The following RNF166 variants were observed in gnomAD, a reference collection of about 807,000 sequenced individuals.
RNF166 encodes the protein E3 ubiquitin-protein ligase RNF166.
Under a neutral mutation model 29.4 loss-of-function variants are expected in RNF166, and 19 were observed. That is an observed-to-expected ratio of 0.65 (90% CI 0.45 to 0.95). RNF166 has a LOEUF of 0.95. Among genes scored for constraint, RNF166 ranks in the 40% least tolerant of loss-of-function variants. The pLI is 0.00. For synonymous variants in RNF166, 171 were observed against 134.5 expected, an observed-to-expected ratio of 1.27 and a Z score of -1.88; for missense variants, 347 against 322.1, an observed-to-expected ratio of 1.08 and a Z score of -0.59.
At position 88,697,494 on chromosome 16, in the gene RNF166, G is replaced by A. The variant is rs1597399982; in HGVS notation, c.*74C>T. 7.9e-6 allele frequency: 9 copies of A among 1,141,870 alleles called. No individual in the cohort carries two copies. The highest frequency in any genetic ancestry group is 5.2e-5 in the East Asian group (2 of 38,466). The allele number at this position is 1,141,870 out of a possible 1,614,324, so 70.7% of individuals were successfully genotyped here. ...GCTCAGTCCGGTGAGGTGCGCTCCC[G>A]AGCAGGTGCCAGGTGCGACACAGGA... On this transcript the variant is annotated 3_prime_UTR_variant, in exon 6 of 6. Transcript: ENST00000312838.
At position 88,697,214 on chromosome 16, in the gene RNF166, C is replaced by A. The variant is rs567595302; in HGVS notation, c.*354G>T. On this transcript the variant is annotated 3_prime_UTR_variant, in exon 6 of 6. Transcript: ENST00000312838. Reference sequence around the variant, plus strand: ...GCCTGGGTTCCTCCCGGCTCGACTGCGGAGCGCGACTCGCGCGTCGGTCCC... The same window carrying A: ...GCCTGGGTTCCTCCCGGCTCGACTGAGGAGCGCGACTCGCGCGTCGGTCCC... 63 of 197,416 alleles carry A rather than the reference C, an allele frequency of 3.2e-4. 1 individual carries two copies. Among genetic ancestry groups the A allele is most frequent in the Admixed American group, 1.3e-3 (22 of 17,342 alleles). 12.2% of individuals were successfully genotyped at this position (197,416 alleles called of 1,614,324 possible).
At chr16:88,700,954 G>A in intron 2 of RNF166, 1 of 1,229,796 alleles carries the variant, frequency 8.1e-7, no homozygotes. Context: ...CATTGGGAAG[G>A]TTTCAGCTCA....
chr16:88,700,945 A>G lies in RNF166; in HGVS notation c.312+317T>C, dbSNP rs533010968. On this transcript the variant is annotated intron_variant, in intron 2 of 5. Coordinates refer to ENST00000312838, the MANE Select transcript of RNF166 (RefSeq NM_178841.4). ...GTATCGGCTGGCAGGGGAAGGCTGC[A>G]TTGGGAAGGTTTCAGCTCAGCCCCC... 133 of 1,195,896 alleles carry G rather than the reference A, an allele frequency of 1.1e-4. No homozygotes were observed. The African/African-American group carries it at 1.9e-3, about 17-fold the overall frequency. The allele number at this position is 1,195,896 out of a possible 1,614,324, so 74.1% of individuals were successfully genotyped here.
At chr16:88,704,942 A>G (rs1486020365) in intron 1 of RNF166, among the ~76,000 whole-genome samples, 2 of 152,196 alleles carry the variant, frequency 1.3e-5, no homozygotes, top group Middle Eastern at 3.2e-3. Flanking sequence ...GTGAGCCGAG[A>G]TGGCGCCACT....
chr16:88,704,854 G>C (rs1025886115), intron 1 of RNF166, among the ~76,000 whole-genome samples: 1 of 152,192 alleles, frequency 6.6e-6, no homozygotes. Flanking sequence ...GCCGGGCGTG[G>C]TGGCGGGTGC....
Position 88,698,654 on chromosome 16 carries a change from C to A in RNF166, c.541-45G>T, listed in dbSNP as rs757343171. The A allele has an allele frequency of 1.1e-5, 15 of 1,413,212 alleles. No individual in the cohort carries two copies. In the East Asian group the frequency reaches 3.3e-4, roughly 31 times the overall value. 87.5% of individuals were successfully genotyped at this position (1,413,212 alleles called of 1,614,324 possible). ...CAAGCCGAGCCGGACCGCGGAGAGGCGGGGTAGCCGCAGTAGGACTGGGGG... is the reference window on the plus strand; with the variant it reads ...CAAGCCGAGCCGGACCGCGGAGAGGAGGGGTAGCCGCAGTAGGACTGGGGG... On this transcript the variant is annotated intron_variant, in intron 4 of 5. Transcript: ENST00000312838.
At chr16:88,702,613 C>T in intron 1 of RNF166, among the ~76,000 whole-genome samples, 1 of 152,218 alleles carries the variant, frequency 6.6e-6, no homozygotes, top group Non-Finnish European at 1.5e-5. Flanking sequence ...TGCTGTCCCC[C>T]AGGCCCTCTT....
chr16:88,697,654 T>C, intron 5 of RNF166, 21 bp from the exon 6 acceptor site: 1 of 1,537,548 alleles, frequency 6.5e-7, no homozygotes, highest in Non-Finnish European at 8.8e-7. Flanking sequence ...GAAGGAGAGA[T>C]GCACCGGGCT....
Position 88,697,576 on chromosome 16 carries a change from CAGAG to C in RNF166, c.702_705del (p.Ser235ArgfsTer35), listed in dbSNP as rs1393788812. 3.9e-6 allele frequency: 6 copies of C among 1,549,692 alleles called. No individual in the cohort carries two copies. The highest frequency in any genetic ancestry group is 4.9e-5 in the East Asian group (2 of 40,888). On this transcript the variant is annotated frameshift_variant, in exon 6 of 6. Coordinates refer to ENST00000312838, the MANE Select transcript of RNF166 (RefSeq NM_178841.4). LOFTEE classifies it high-confidence loss of function. ...GGTGGCTGCGCTTCCCTTCAGTTCTCAGAGAGAGACAGGGCCAGAGCAGCCTGGA... is the reference window on the plus strand; with the variant it reads ...GGTGGCTGCGCTTCCCTTCAGTTCTCAGAGACAGGGCCAGAGCAGCCTGGA...
chr16:88,701,251 C>G lies in RNF166; in HGVS notation c.312+11G>C. 1 of 1,613,456 alleles carries G rather than the reference C, an allele frequency of 6.2e-7. No homozygotes were observed. Among genetic ancestry groups the G allele is most frequent in the Non-Finnish European group, 8.5e-7 (1 of 1,179,878 alleles). ...GACCCCGGCTCCAGGGCGGCCCAAG[C>G]AGGCGGGTACCTTTTTGTTGCAGCC... On this transcript the variant is annotated intron_variant, in intron 2 of 5. Transcript: ENST00000312838.
In RNF166 at chr16:88,697,271, A is replaced by T; in HGVS notation, c.*297T>A. On this transcript the variant is annotated 3_prime_UTR_variant, in exon 6 of 6. Coordinates refer to ENST00000312838, the MANE Select transcript of RNF166 (RefSeq NM_178841.4). ...CCACGAGGGGGTATCATGGCTTTGAAGAGACGGCGGCAGCTCCAGGTCCCA... is the reference window on the plus strand; with the variant it reads ...CCACGAGGGGGTATCATGGCTTTGATGAGACGGCGGCAGCTCCAGGTCCCA... The T allele has an allele frequency of 3.5e-6, 1 of 284,778 alleles. No individual in the cohort carries two copies. 17.6% of individuals were successfully genotyped at this position (284,778 alleles called of 1,614,324 possible).
rs1909745289 is a variant in RNF166, at chr16:88,697,500, G to A, written c.*68C>T. On this transcript the variant is annotated 3_prime_UTR_variant, in exon 6 of 6. Coordinates refer to ENST00000312838, the MANE Select transcript of RNF166 (RefSeq NM_178841.4). The stretch of plus-strand genomic sequence containing the variant: ...TCCGGTGAGGTGCGCTCCCGAGCAG[G>A]TGCCAGGTGCGACACAGGAGCGGGG... The A allele has an allele frequency of 8.4e-7, 1 of 1,195,004 alleles. No individual in the cohort carries two copies. 74.0% of individuals were successfully genotyped at this position (1,195,004 alleles called of 1,614,324 possible).
chr16:88,701,345 C>T lies in RNF166; in HGVS notation c.229G>A (p.Asp77Asn), dbSNP rs140318085. 4.8e-5 allele frequency: 78 copies of T among 1,613,382 alleles called. No individual in the cohort carries two copies. The highest frequency in any genetic ancestry group is 6.3e-5 in the Non-Finnish European group (74 of 1,179,876). Residue 77 changes from aspartate to asparagine, a missense_variant, in exon 2 of 6, where the codon GAC becomes AAC. Transcript: ENST00000312838. ...GTGGCCTTGTCCACCTTCTTGGGGT[C>T]GAAGGGCAGGCGGCAGAGTGGGCAC... is the stretch of plus-strand genomic sequence containing the variant. Reference protein sequence around the residue: ...PLCPLCRLPFDPKKVDKATHV... With the variant: ...PLCPLCRLPFNPKKVDKATHV...
Position 88,699,668 on chromosome 16 carries a change from T to G in RNF166, c.377A>C (p.Asn126Thr), listed in dbSNP as rs768562428. 1.5e-5 allele frequency: 25 copies of G among 1,613,384 alleles called. No individual in the cohort carries two copies. In the South Asian group the frequency reaches 2.0e-4, roughly 13 times the overall value. ...SCLKVQEQMA[N>T]CPKFVPVVPT... ...CACCACGGGGACGAACTTGGGGCAG[T>G]TGGCCATCTGCTCCTGGACCTTCAG... The change falls in exon 3 of 6, where the codon AAC (asparagine) becomes ACC (threonine). Residue 126 changes from asparagine to threonine, a missense_variant. Transcript: ENST00000312838.
chr16:88,698,021 C>T (rs1909805311), intron 5 of RNF166: 1 of 502,528 alleles, frequency 2.0e-6, no homozygotes, highest in Non-Finnish European at 3.6e-6. Flanking sequence ...GACTGTTAGC[C>T]AGGGCCAGGA....
intron 2 of RNF166, 161 bp from the exon 3 acceptor site, chr16:88,699,893 A>G: frequency 3.6e-6 from 2 of 555,720 alleles, no homozygotes; most frequent in Non-Finnish European, 6.4e-6. Flanking sequence ...AAACAATCTC[A>G]GGCACTGAGC....
rs1909680399 is a variant in RNF166 at position 88,696,820 on chromosome 16, C to T, written c.*748G>A. ...TGGTCATCAAAGAGAAACGTACAAA[C>T]CTCAAGGACCCAGACACACAGTGGG... On this transcript the variant is annotated 3_prime_UTR_variant, in exon 6 of 6. Coordinates refer to ENST00000312838, the MANE Select transcript of RNF166 (RefSeq NM_178841.4). 2.9e-6 allele frequency: 1 copy of T among 342,500 alleles called. No individual in the cohort carries two copies. The allele number at this position is 342,500 out of a possible 1,614,324, so 21.2% of individuals were successfully genotyped here.
chr16:88,699,512 G>A (rs926435921), intron 3 of RNF166, 108 bp downstream of exon 3: 34 of 850,332 alleles, frequency 4.0e-5, no homozygotes, highest in African/African-American at 3.1e-4. Context: ...GAGTGGACCC[G>A]GCCCCGGGTG....
intron 2 of RNF166, chr16:88,700,758 G>C: frequency 1.0e-6 from 1 of 998,014 alleles, no homozygotes; most frequent in Non-Finnish European, 1.2e-6. Flanking sequence ...GGCCAATGAG[G>C]CCCATGACAA....
Sources: gnomAD v4.1 joint callset for allele counts (sites outside exome capture counted in the v4.1 genomes callset) on GRCh38, gnomAD v4.1.1 for gene constraint, MANE v1.5 for transcripts, NCBI Gene and HGNC (gene_info 2026-07-23, HGNC 2026-07-21) for gene names.